Variants in PASD1 observed in about 807,000 individuals in gnomAD.
PASD1 encodes PAS domain containing repressor 1.
PASD1 carries 13 observed loss-of-function variants against 58.8 expected under a neutral mutation model. That is an observed-to-expected ratio of 0.22 (90% CI 0.14 to 0.35). PASD1 has a LOEUF of 0.35. PASD1 is among the 10% of genes least tolerant of loss of function. The pLI, the probability that PASD1 is intolerant of heterozygous loss-of-function variation, is 1.00. For missense variants in PASD1, 734 were observed against 568.3 expected, an observed-to-expected ratio of 1.29 and a Z score of -2.96; for synonymous variants, 236 against 216.7, an observed-to-expected ratio of 1.09 and a Z score of -0.78.
intron 1 of PASD1, among the ~76,000 whole-genome samples, chrX:151,593,705 A>G (rs1269856683): frequency 9.0e-6 from 1 of 111,241 alleles, no homozygotes; most frequent in Non-Finnish European, 1.9e-5. Flanking sequence ...CAATAAACAT[A>G]TGTGTGCATG....
chrX:151,600,986 C>T (rs1244143051), intron 1 of PASD1, among the ~76,000 whole-genome samples: 1 of 112,330 alleles, frequency 8.9e-6, no homozygotes, highest in Non-Finnish European at 1.9e-5. Context: ...AATTGTATAG[C>T]TCAAAGCAGA....
At chrX:151,581,986 C>CTTTTTTTTT (rs72381794) in intron 1 of PASD1, among the ~76,000 whole-genome samples, 1 of 74,324 alleles carries the variant, frequency 1.3e-5, no homozygotes, top group Non-Finnish European at 2.3e-5. Context: ...TTTCTTTTTC[C>CTTTTTTTTT]TTTTTTTTTT....
chrX:151,676,325 G>A lies in PASD1; in HGVS notation c.*182G>A. On this transcript the variant is annotated 3_prime_UTR_variant, in exon 16 of 16. Coordinates refer to ENST00000370357, the MANE Select transcript of PASD1 (RefSeq NM_173493.3). ...GTTTGTTAAGCACAGCCTGTTTCTT[G>A]GAAGTTATGCTGTAGAGGCAGCCTG... The A allele has an allele frequency of 4.3e-6, 2 of 464,126 alleles. No individual in the cohort carries two copies. Among genetic ancestry groups the A allele is most frequent in the Non-Finnish European group, 6.8e-6 (2 of 294,778 alleles). The allele number at this position is 464,126 out of a possible 1,213,427, so 38.2% of individuals were successfully genotyped here. A position where few individuals can be genotyped will look rare whatever the true frequency, so the allele number is the denominator to read the frequency against.
chrX:151,619,478 C>T (rs1864562086), intron 4 of PASD1, among the ~76,000 whole-genome samples: 1 of 111,102 alleles, frequency 9.0e-6, no homozygotes, highest in South Asian at 3.8e-4. Context: ...TGACTATAAG[C>T]CCTGGCACTC....
chrX:151,593,608 C>T (rs1209167895), intron 1 of PASD1, among the ~76,000 whole-genome samples: 2 of 111,303 alleles, frequency 1.8e-5, no homozygotes, highest in Non-Finnish European at 3.8e-5. Flanking sequence ...TATTCCATGG[C>T]GTATATGTGC....
In PASD1 at chrX:151,611,656, G is replaced by A. The variant is rs751431936; in HGVS notation, c.118-8G>A. The A allele has an allele frequency of 1.3e-4, 144 of 1,142,344 alleles. No homozygotes were observed. The highest frequency in any genetic ancestry group is 4.8e-4 in the Middle Eastern group (2 of 4,133). 94.1% of individuals were successfully genotyped at this position (1,142,344 alleles called of 1,213,427 possible). A position where few individuals can be genotyped will look rare whatever the true frequency, so the allele number is the denominator to read the frequency against. On this transcript the variant is annotated splice_region_variant and splice_polypyrimidine_tract_variant and intron_variant, in intron 3 of 15. Transcript: ENST00000370357. ...TATTTAATTACATTATTATTCTCTCGTCATTAGTTATTAGATGGCTTTATG... is the reference window on the plus strand; with the variant it reads ...TATTTAATTACATTATTATTCTCTCATCATTAGTTATTAGATGGCTTTATG...
chrX:151,673,654 A>T, intron 14 of PASD1: 1 of 393,721 alleles, frequency 2.5e-6, no homozygotes, highest in Non-Finnish European at 4.4e-6. Flanking sequence ...TTCCAAGGCC[A>T]CAGAGAGCAT....
intron 1 of PASD1, among the ~76,000 whole-genome samples, chrX:151,591,511 T>C (rs2013248385): frequency 1.8e-5 from 2 of 112,212 alleles, no homozygotes; most frequent in East Asian, 2.8e-4. Flanking sequence ...AATGTACTTA[T>C]GTAAACAGCT....
Position 151,664,287 on chromosome X carries a change from T to A in PASD1, c.1010T>A (p.Leu337Gln). The change falls in exon 11 of 16, where the codon CTG becomes CAG. Residue 337 changes from leucine (L) to glutamine (Q), a missense_variant. Coordinates refer to ENST00000370357, the MANE Select transcript of PASD1 (RefSeq NM_173493.3). Reference protein sequence around the residue: ...NPVAPLDQAGLMDPVDPEDSV... With the variant: ...NPVAPLDQAGQMDPVDPEDSV... ...GTTGCCCCGTTGGACCAGGCAGGCC[T>A]GATGGATCCAGTGGATCCAGAGGAC... The A allele has an allele frequency of 8.3e-7, 1 of 1,211,659 alleles. No individual in the cohort carries two copies. The highest frequency in any genetic ancestry group is 1.1e-6 in the Non-Finnish European group (1 of 895,459).
At position 151,664,192 on chromosome X, in the gene PASD1, G is replaced by A. The variant is rs143974284; in HGVS notation, c.915G>A (p.Glu305=). 15,658 of 1,209,626 alleles carry A rather than the reference G, an allele frequency of 0.013. 99 individuals carry two copies. The highest frequency in any genetic ancestry group is 0.015 in the Middle Eastern group (66 of 4,352). Reference sequence around the variant, plus strand: ...ACAGGGCAGACCCAGTGGACCTGGAGTTCTCGGTGGATCAGGTGGACTCAG... The same window carrying A: ...ACAGGGCAGACCCAGTGGACCTGGAATTCTCGGTGGATCAGGTGGACTCAG... The part of the protein sequence containing the change: ...PLYRADPVDL[E]FSVDQVDSVD... The change falls in exon 11 of 16, where the codon GAG becomes GAA. Residue 305 remains glutamate, a synonymous_variant. Transcript: ENST00000370357.
chrX:151,653,803 C>T (rs191815626), intron 9 of PASD1, among the ~76,000 whole-genome samples: 2,095 of 9,801 alleles, frequency 0.21, 69 homozygotes, highest in East Asian at 0.45. Flanking sequence ...TCTTTCTTTC[C>T]TTCCTTCCTT....
At position 151,664,132 on chromosome X, in the gene PASD1, A is replaced by G. The variant is rs762629145; in HGVS notation, c.855A>G (p.Gln285=). Residue 285 remains glutamine, a synonymous_variant, in exon 11 of 16, where the codon CAA becomes CAG. Coordinates refer to ENST00000370357, the MANE Select transcript of PASD1 (RefSeq NM_173493.3). ...TMPESPALSL[Q]DFRGEPEVNP... is the part of the protein sequence containing the mutation. ...TTTCTTCCTCAGCCTTATCCTTGCA[A>G]GACTTTCGAGGTGAGCCTGAGGTGA... The G allele has an allele frequency of 8.3e-7, 1 of 1,210,684 alleles. No homozygotes were observed. The highest frequency in any genetic ancestry group is 1.8e-5 in the South Asian group (1 of 56,862).
At chrX:151,614,047 C>G (rs191756705) in intron 4 of PASD1, among the ~76,000 whole-genome samples, 216 of 108,991 alleles carry the variant, frequency 2.0e-3, no homozygotes, top group African/African-American at 6.9e-3. Context: ...TGCAATGGTG[C>G]GATCTCGGCT....
chrX:151,664,326 G>A lies in PASD1; in HGVS notation c.1049G>A (p.Gly350Glu), dbSNP rs1199239367. 2.5e-6 allele frequency: 3 copies of A among 1,210,199 alleles called. No homozygotes were observed. The highest frequency in any genetic ancestry group is 3.5e-5 in the African/African-American group (2 of 57,231). The change falls in exon 11 of 16, where the codon GGG (glycine) becomes GAG (glutamate). Residue 350 changes from glycine to glutamate, a missense_variant. Transcript: ENST00000370357. ...GATCCAGAGGACTCAGTGGACCTGG[G>A]GGCTGCTGGCGCAAGTGCTCAGGTA... ...PVDPEDSVDL[G>E]AAGASAQPLQ...
intron 2 of PASD1, among the ~76,000 whole-genome samples, chrX:151,601,784 C>T (rs1362282287): frequency 9.0e-6 from 1 of 111,651 alleles, no homozygotes; most frequent in African/African-American, 3.3e-5. Flanking sequence ...CCTGACAGCC[C>T]TCTTCCTCAA....
At chrX:151,627,195 TTTTA>T (rs1215735148) in intron 8 of PASD1, among the ~76,000 whole-genome samples, 1 of 111,107 alleles carries the variant, frequency 9.0e-6, no homozygotes, top group Non-Finnish European at 1.9e-5. Context: ...ATTTTTAAAT[TTTTA>T]TTTATTATTT....
intron 8 of PASD1, among the ~76,000 whole-genome samples, chrX:151,638,171 C>A (rs1328563575): frequency 9.0e-6 from 1 of 110,584 alleles, no homozygotes; most frequent in Non-Finnish European, 1.9e-5. Flanking sequence ...ACAAAACGAT[C>A]ATTCTCAGCA....
rs745789465 is a variant in PASD1, at chrX:151,611,744, A to T, written c.198A>T (p.Gly66=). The change falls in exon 4 of 16, where the codon GGA becomes GGT. Residue 66 remains glycine (G), a synonymous_variant. Coordinates refer to ENST00000370357, the MANE Select transcript of PASD1 (RefSeq NM_173493.3). ...CVAENISSLL[G]HLPAEIVGKK... ...CTGAAAACATCTCTTCTCTTCTTGGACATTTACCAGTAAGTTCTTTCTACT... is the reference window on the plus strand; with the variant it reads ...CTGAAAACATCTCTTCTCTTCTTGGTCATTTACCAGTAAGTTCTTTCTACT... 8.3e-7 allele frequency: 1 copy of T among 1,199,266 alleles called. No individual in the cohort carries two copies. The highest frequency in any genetic ancestry group is 1.1e-6 in the Non-Finnish European group (1 of 886,332).
chrX:151,564,915 A>T (rs984885236), intron 1 of PASD1, among the ~76,000 whole-genome samples: 4 of 111,261 alleles, frequency 3.6e-5, no homozygotes, highest in African/African-American at 1.3e-4. Context: ...TAAGACAATA[A>T]TTTATCAGTT....
Sources: gnomAD v4.1 joint callset for allele counts (sites outside exome capture counted in the v4.1 genomes callset) on GRCh38, gnomAD v4.1.1 for gene constraint, MANE v1.5 for transcripts, NCBI Gene and HGNC (gene_info 2026-07-23, HGNC 2026-07-21) for gene names.